OR1I1: variants seen among roughly 807,000 people sequenced by gnomAD.
The protein encoded by OR1I1 is olfactory receptor family 1 subfamily I member 1, also known as olfactory receptor 1I1.
For missense variants in OR1I1, 451 were observed against 443.6 expected (o/e 1.02, Z -0.15); for synonymous variants, 171 against 181.4 (o/e 0.94, Z 0.46).
rs1362431843 is a variant in OR1I1, at chr19:15,091,558, C to G, written c.*3425C>G. 6.6e-6 allele frequency: 1 copy of G among 152,300 alleles called. No homozygotes were observed. Among genetic ancestry groups the G allele is most frequent in the Non-Finnish European group, 1.5e-5 (1 of 68,168 alleles). The allele number at this position is 152,300 out of a possible 1,614,324, so 9.4% of individuals were successfully genotyped here. A position where few individuals can be genotyped will look rare whatever the true frequency, so the allele number is the denominator to read the frequency against. ...CCTGTAGTCCCAGCTACTCGGGAGG[C>G]TGAGGCAGGAGAATGGCCTGAACCC... On this transcript the variant is annotated 3_prime_UTR_variant, in exon 2 of 2. Transcript: ENST00000641398.
intron 1 of OR1I1, 76 bp from the exon 2 acceptor site, chr19:15,086,977 C>T: frequency 8.7e-6 from 13 of 1,500,146 alleles, no homozygotes; most frequent in South Asian, 5.6e-5. Context: ...TATAGGTTTC[C>T]GTGGGAAGCT....
At position 15,092,509 on chromosome 19, in the gene OR1I1, C is replaced by T. The variant is rs1288142987; in HGVS notation, c.*4376C>T. ...CGTCAATATTGTCAGCTTTAGGGACCTTACCATCTCCGTTGCAATGACTGA... is the reference window on the plus strand; with the variant it reads ...CGTCAATATTGTCAGCTTTAGGGACTTTACCATCTCCGTTGCAATGACTGA... On this transcript the variant is annotated 3_prime_UTR_variant, in exon 2 of 2. Coordinates refer to ENST00000641398, the MANE Select transcript of OR1I1 (RefSeq NM_001004713.2). 6.6e-6 allele frequency: 1 copy of T among 152,146 alleles called. No individual in the cohort carries two copies. Among genetic ancestry groups the T allele is most frequent in the Non-Finnish European group, 1.5e-5 (1 of 68,024 alleles). The allele number at this position is 152,146 out of a possible 1,614,324, so 9.4% of individuals were successfully genotyped here. A position where few individuals can be genotyped will look rare whatever the true frequency, so the allele number is the denominator to read the frequency against.
Position 15,087,492 on chromosome 19 carries a change from C to A in OR1I1, c.427C>A (p.Leu143Met). 6.2e-7 allele frequency: 1 copy of A among 1,614,122 alleles called. No individual in the cohort carries two copies. Among genetic ancestry groups the A allele is most frequent in the Non-Finnish European group, 8.5e-7 (1 of 1,179,980 alleles). Residue 143 changes from leucine to methionine, a missense_variant, in exon 2 of 2, where the codon CTG becomes ATG. By Grantham distance (15) the Leu-to-Met change is conservative (BLOSUM62 2). Coordinates refer to ENST00000641398, the MANE Select transcript of OR1I1 (RefSeq NM_001004713.2). ...LVLMCSPVCG[L>M]LLGASWMITN... The stretch of plus-strand genomic sequence containing the variant: ...TCTCATGTGCTCCCCTGTCTGTGGG[C>A]TGCTGCTGGGAGCATCATGGATGAT...
chr19:15,088,622 C>T lies in OR1I1; in HGVS notation c.*489C>T, dbSNP rs573444795. 1 of 164,040 alleles carries T rather than the reference C, an allele frequency of 6.1e-6. No homozygotes were observed. The highest frequency in any genetic ancestry group is 1.8e-4 in the South Asian group (1 of 5,632). 10.2% of individuals were successfully genotyped at this position (164,040 alleles called of 1,614,324 possible). ...AGTGAGCTATGACTGCACCACTGCACTTCAGCAGTTTGGGAAACTGAGCAA... is the reference window on the plus strand; with the variant it reads ...AGTGAGCTATGACTGCACCACTGCATTTCAGCAGTTTGGGAAACTGAGCAA... On this transcript the variant is annotated 3_prime_UTR_variant, in exon 2 of 2. Transcript: ENST00000641398.
chr19:15,092,135 C>CT lies in OR1I1; in HGVS notation c.*4002_*4003insT, dbSNP rs1837867753. 3.0e-5 allele frequency: 1 copy of CT among 33,388 alleles called. No homozygotes were observed. Among genetic ancestry groups the CT allele is most frequent in the Admixed American group, 4.8e-4 (1 of 2,090 alleles). The allele number at this position is 33,388 out of a possible 1,614,324, so 2.1% of individuals were successfully genotyped here. A position where few individuals can be genotyped will look rare whatever the true frequency, so the allele number is the denominator to read the frequency against. On this transcript the variant is annotated 3_prime_UTR_variant, in exon 2 of 2. Coordinates refer to ENST00000641398, the MANE Select transcript of OR1I1 (RefSeq NM_001004713.2). ...TGGTTTTTGGTTGTTTTTTTTTTTT[C>CT]CCCGGAAACTTGTATTCTAGCTGTG...
chr19:15,092,134 T>TTTTTTTTTTTTTTTCC lies in OR1I1; in HGVS notation c.*4001_*4002insTTTTTTTTTTTTTTCC, dbSNP rs1555718125. ...TTGGTTTTTGGTTGTTTTTTTTTTT[T>TTTTTTTTTTTTTTTCC]CCCCGGAAACTTGTATTCTAGCTGT... On this transcript the variant is annotated 3_prime_UTR_variant, in exon 2 of 2. Transcript: ENST00000641398. 1.6e-5 allele frequency: 2 copies of TTTTTTTTTTTTTTTCC among 126,022 alleles called. No individual in the cohort carries two copies. Among genetic ancestry groups the TTTTTTTTTTTTTTTCC allele is most frequent in the Non-Finnish European group, 3.2e-5 (2 of 62,326 alleles). 7.8% of individuals were successfully genotyped at this position (126,022 alleles called of 1,614,324 possible). A position where few individuals can be genotyped will look rare whatever the true frequency, so the allele number is the denominator to read the frequency against.
Position 15,082,220 on chromosome 19 carries a change from G to C in OR1I1, c.-70G>C, listed in dbSNP as rs1172600463. On this transcript the variant is annotated 5_prime_UTR_variant, in exon 1 of 2. Transcript: ENST00000641398. The stretch of plus-strand genomic sequence containing the variant: ...CACTCACCTGCAGAGTCTGGGGGCG[G>C]GGGGGTACACATATGAATCCTTCCC... 6.6e-6 allele frequency: 1 copy of C among 152,580 alleles called. No homozygotes were observed. Among genetic ancestry groups the C allele is most frequent in the Admixed American group, 6.5e-5 (1 of 15,274 alleles). The allele number at this position is 152,580 out of a possible 1,614,324, so 9.5% of individuals were successfully genotyped here. A position where few individuals can be genotyped will look rare whatever the true frequency, so the allele number is the denominator to read the frequency against.
chr19:15,087,468 C>T lies in OR1I1; in HGVS notation c.403C>T (p.Leu135Phe). ...TGTCCACCCACAGCGTTACTTGGTTCTCATGTGCTCCCCTGTCTGTGGGCT... is the reference window on the plus strand; with the variant it reads ...TGTCCACCCACAGCGTTACTTGGTTTTCATGTGCTCCCCTGTCTGTGGGCT... ...AIVHPQRYLV[L>F]MCSPVCGLLL... Residue 135 changes from leucine (L) to phenylalanine (F), a missense_variant, in exon 2 of 2, where the codon CTC becomes TTC. Physicochemically the swap from Leu to Phe is conservative, Grantham distance 22. Coordinates refer to ENST00000641398, the MANE Select transcript of OR1I1 (RefSeq NM_001004713.2). 6.2e-7 allele frequency: 1 copy of T among 1,614,160 alleles called. No individual in the cohort carries two copies. Among genetic ancestry groups the T allele is most frequent in the Non-Finnish European group, 8.5e-7 (1 of 1,180,006 alleles).
chr19:15,087,862 GCTCCTCCCAGAA>G lies in OR1I1; in HGVS notation c.798_809del (p.Ser266_Lys270delinsArg), dbSNP rs778199554. On this transcript the variant is annotated inframe_deletion, in exon 2 of 2. Coordinates refer to ENST00000641398, the MANE Select transcript of OR1I1 (RefSeq NM_001004713.2). Reference sequence around the variant, plus strand: ...GTGTACTTACAGCCCACATCCCCCAGCTCCTCCCAGAAGGACAAGGCAGCCGCCCTAATGTGT... The same window carrying G: ...GTGTACTTACAGCCCACATCCCCCAGGGACAAGGCAGCCGCCCTAATGTGT... The G allele has an allele frequency of 5.6e-6, 9 of 1,614,164 alleles. No individual in the cohort carries two copies. In the South Asian group the frequency reaches 8.8e-5, roughly 16 times the overall value.
Position 15,088,717 on chromosome 19 carries a change from CAGAT to C in OR1I1, c.*592_*595del, listed in dbSNP as rs57150178. Reference sequence around the variant, plus strand: ...ATAGATAGATAGATAGATAGACAGACAGATAGATAGAGAGGATAAGATAAGATAG... The same window carrying C: ...ATAGATAGATAGATAGATAGACAGACAGATAGAGAGGATAAGATAAGATAG... On this transcript the variant is annotated 3_prime_UTR_variant, in exon 2 of 2. Transcript: ENST00000641398. 0.69 allele frequency: 100,223 copies of C among 145,260 alleles called. 36,730 individuals carry two copies. The highest frequency in any genetic ancestry group is 0.82 in the Non-Finnish European group (55,144 of 67,604). The allele number at this position is 145,260 out of a possible 1,614,324, so 9.0% of individuals were successfully genotyped here.
intron 1 of OR1I1, among the ~76,000 whole-genome samples, chr19:15,082,648 TC>T (rs1489776591): frequency 1.3e-5 from 2 of 151,712 alleles, no homozygotes; most frequent in Non-Finnish European, 2.9e-5. Flanking sequence ...ATGCAGCAGC[TC>T]CCCAAGTGTG....
chr19:15,085,797 T>G lies in OR1I1; in HGVS notation c.-13-1256T>G, dbSNP rs563404770. On this transcript the variant is annotated intron_variant, in intron 1 of 1. Transcript: ENST00000641398. Reference sequence around the variant, plus strand: ...AGACCATGTGGTATCTGTCTTTCTGTACCTGGCTATTTTATGTAACAGAAT... The same window carrying G: ...AGACCATGTGGTATCTGTCTTTCTGGACCTGGCTATTTTATGTAACAGAAT... Among the ~76,000 whole-genome samples the G allele has an allele frequency of 3.3e-5, 5 of 152,316 alleles. No individual in the cohort carries two copies. In the East Asian group the frequency reaches 9.6e-4, roughly 29 times the overall value.
In OR1I1 at chr19:15,085,130, TTATATATATA is replaced by T. The variant is rs775570074; in HGVS notation, c.-13-1885_-13-1876del. 8.4e-4 allele frequency among the ~76,000 whole-genome samples: 24 copies of T among 28,538 alleles called. 2 individuals carry two copies. The highest frequency in any genetic ancestry group is 2.2e-3 in the South Asian group (1 of 452). The allele number at this position is 28,538 out of a possible 152,430, so 18.7% of individuals were successfully genotyped here. A position where few individuals can be genotyped will look rare whatever the true frequency, so the allele number is the denominator to read the frequency against. On this transcript the variant is annotated intron_variant, in intron 1 of 1. Transcript: ENST00000641398. ...TAGGTATGTTCAATGCATTTTTGAC[TTATATATATA>T]TATATATATATATATATATATATAT...
Position 15,086,878 on chromosome 19 carries a change from TG to T in OR1I1, c.-13-174del, listed in dbSNP as rs1196274600. On this transcript the variant is annotated intron_variant, in intron 1 of 1. Transcript: ENST00000641398. ...TGTCTCAGGCATGAATGACTTGGCT[TG>T]AGGAGCAACAGAAGCCCACTGAAGA... 6 of 994,986 alleles carry T rather than the reference TG, an allele frequency of 6.0e-6. No homozygotes were observed. In the African/African-American group the frequency reaches 9.8e-5, roughly 16 times the overall value. 61.6% of individuals were successfully genotyped at this position (994,986 alleles called of 1,614,324 possible).
In OR1I1 at chr19:15,090,954, C is replaced by CAACCTACAA. The variant is rs1568323483; in HGVS notation, c.*2832_*2840dup. 1 of 152,188 alleles carries CAACCTACAA rather than the reference C, an allele frequency of 6.6e-6. No homozygotes were observed. The highest frequency in any genetic ancestry group is 2.4e-5 in the African/African-American group (1 of 41,440). The allele number at this position is 152,188 out of a possible 1,614,324, so 9.4% of individuals were successfully genotyped here. Reference sequence around the variant, plus strand: ...ATGCAGTTAGTTTAAGAAATGTCAGCAACCTACAAAACCTACAAAGTGTCC... The same window carrying CAACCTACAA: ...ATGCAGTTAGTTTAAGAAATGTCAGCAACCTACAAAACCTACAAAACCTACAAAGTGTCC... On this transcript the variant is annotated 3_prime_UTR_variant, in exon 2 of 2. Transcript: ENST00000641398.
Position 15,087,444 on chromosome 19 carries a change from G to A in OR1I1, c.379G>A (p.Val127Ile). 1 of 1,614,066 alleles carries A rather than the reference G, an allele frequency of 6.2e-7. No individual in the cohort carries two copies. The highest frequency in any genetic ancestry group is 1.3e-5 in the African/African-American group (1 of 75,040). Residue 127 changes from valine (V) to isoleucine (I), a missense_variant, in exon 2 of 2, where the codon GTC becomes ATC. Coordinates refer to ENST00000641398, the MANE Select transcript of OR1I1 (RefSeq NM_001004713.2). ...VMAIDRFVAIVHPQRYLVLMC... is the reference protein window; with the variant it reads ...VMAIDRFVAIIHPQRYLVLMC... ...GGCCATCGACCGCTTCGTGGCCATTGTCCACCCACAGCGTTACTTGGTTCT... is the reference window on the plus strand; with the variant it reads ...GGCCATCGACCGCTTCGTGGCCATTATCCACCCACAGCGTTACTTGGTTCT...
intron 1 of OR1I1, among the ~76,000 whole-genome samples, chr19:15,085,161 TA>T (rs1322234023): frequency 0.039 from 1,894 of 48,330 alleles, 205 homozygotes; most frequent in African/African-American, 0.055. Flanking sequence ...TATATATATA[TA>T]TATATATATA....
intron 1 of OR1I1, among the ~76,000 whole-genome samples, chr19:15,085,176 A>ATTTTTTTTT (rs757508009): frequency 2.7e-4 from 22 of 80,134 alleles, no homozygotes; most frequent in African/African-American, 7.8e-4. Context: ...ATATATATAT[A>ATTTTTTTTT]TTTTTTTTTT....
chr19:15,085,129 CTTATATATATATATATATAT>C (rs2046223082), intron 1 of OR1I1, among the ~76,000 whole-genome samples: 3 of 64,850 alleles, frequency 4.6e-5, no homozygotes, highest in African/African-American at 1.3e-4. Context: ...GCATTTTTGA[CTTATATATATATATATATAT>C]ATATATATAT....
Sources: gnomAD v4.1 joint callset for allele counts (sites outside exome capture counted in the v4.1 genomes callset) on GRCh38, gnomAD v4.1.1 for gene constraint, MANE v1.5 for transcripts, NCBI Gene and HGNC (gene_info 2026-07-23, HGNC 2026-07-21) for gene names.